The following RAB21 variants were observed in gnomAD, a reference collection of about 807,000 sequenced individuals.
The protein encoded by RAB21 is RAB21, member RAS oncogene family, also known as ras-related protein Rab-21.
In RAB21, 13 loss-of-function variants were observed where a neutral mutation model predicts 33.1. The observed-to-expected ratio is 0.39, with a 90% CI of 0.26 to 0.62. The LOEUF is 0.62. RAB21 is among the 20% of genes least tolerant of loss of function. The pLI is 0.48. For missense variants in RAB21, 234 were observed against 279.1 expected, an observed-to-expected ratio of 0.84 and a Z score of 1.15; for synonymous variants, 91 against 103.7, an observed-to-expected ratio of 0.88 and a Z score of 0.74.
At chr12:71,769,566 T>G (rs905061983) in intron 1 of RAB21, among the ~76,000 whole-genome samples, 4 of 152,160 alleles carry the variant, frequency 2.6e-5, no homozygotes, top group Non-Finnish European at 5.9e-5. Flanking sequence ...AAAAAATACT[T>G]ATTTTCTGTG....
chr12:71,759,861 C>T (rs1223169700), intron 1 of RAB21, among the ~76,000 whole-genome samples: 1 of 152,178 alleles, frequency 6.6e-6, no homozygotes, highest in Non-Finnish European at 1.5e-5. Flanking sequence ...TCATAGCCAT[C>T]GTGATCCTGA....
intron 4 of RAB21, among the ~76,000 whole-genome samples, chr12:71,774,841 A>G (rs191395422): frequency 6.6e-6 from 1 of 151,704 alleles, no homozygotes; most frequent in East Asian, 1.9e-4. Flanking sequence ...TGGGGAGCAA[A>G]TTGGAAACTA....
At chr12:71,785,255 A>G (rs1175530111) in intron 6 of RAB21, among the ~76,000 whole-genome samples, 4 of 152,328 alleles carry the variant, frequency 2.6e-5, no homozygotes, top group Admixed American at 6.5e-5. Context: ...GTACGCAGGC[A>G]ATTGTTCAGA....
At chr12:71,783,084 G>T (rs192273208) in intron 6 of RAB21, among the ~76,000 whole-genome samples, 1 of 151,982 alleles carries the variant, frequency 6.6e-6, no homozygotes, top group Admixed American at 6.6e-5. Context: ...AATTTTTTAG[G>T]TGTGATTATG....
intron 1 of RAB21, among the ~76,000 whole-genome samples, chr12:71,762,648 T>C (rs1882892926): frequency 6.6e-6 from 1 of 151,710 alleles, no homozygotes; most frequent in Non-Finnish European, 1.5e-5. Flanking sequence ...AATGGCACGA[T>C]CTCAGTTCAC....
At chr12:71,770,733 C>A in intron 3 of RAB21, 34 bp downstream of exon 3, 1 of 1,377,204 alleles carries the variant, frequency 7.3e-7, no homozygotes, top group Non-Finnish European at 1.0e-6. Flanking sequence ...CTTAGAAGAA[C>A]AATAGTAATT....
In RAB21 at chr12:71,790,725, G is replaced by C. The variant is rs1883368788; in HGVS notation, c.*5052G>C. 1 of 151,850 alleles carries C rather than the reference G, an allele frequency of 6.6e-6. No homozygotes were observed. The highest frequency in any genetic ancestry group is 2.1e-4 in the South Asian group (1 of 4,820). 9.4% of individuals were successfully genotyped at this position (151,850 alleles called of 1,614,324 possible). A position where few individuals can be genotyped will look rare whatever the true frequency, so the allele number is the denominator to read the frequency against. On this transcript the variant is annotated 3_prime_UTR_variant, in exon 7 of 7. Coordinates refer to ENST00000261263, the MANE Select transcript of RAB21 (RefSeq NM_014999.4). Reference sequence around the variant, plus strand: ...TACATATAGAAATACATAGTGTTGTGGGTTTTAAATTTTCACATAAATTGT... The same window carrying C: ...TACATATAGAAATACATAGTGTTGTCGGTTTTAAATTTTCACATAAATTGT...
At chr12:71,766,824 G>A (rs1882968339) in intron 1 of RAB21, among the ~76,000 whole-genome samples, 1 of 152,038 alleles carries the variant, frequency 6.6e-6, no homozygotes, top group African/African-American at 2.4e-5. Context: ...AATTGAAGAG[G>A]ATGCAAAAAA....
At chr12:71,778,126 A>G (rs1354170091) in intron 4 of RAB21, among the ~76,000 whole-genome samples, 1 of 152,140 alleles carries the variant, frequency 6.6e-6, no homozygotes, top group African/African-American at 2.4e-5. Flanking sequence ...TTCATGTGTA[A>G]ATTGAATACT....
At chr12:71,756,283 A>G (rs186682066) in intron 1 of RAB21, among the ~76,000 whole-genome samples, 2 of 152,204 alleles carry the variant, frequency 1.3e-5, no homozygotes, top group Admixed American at 6.5e-5. Flanking sequence ...TAAAATGGCC[A>G]TAATAGTAGT....
intron 2 of RAB21, 29 bp from the exon 3 acceptor site, chr12:71,770,563 A>G (rs779423965): frequency 2.8e-6 from 4 of 1,421,834 alleles, no homozygotes; most frequent in Middle Eastern, 1.8e-4. Flanking sequence ...TTTTCTTCTG[A>G]TCTAATAAGC....
chr12:71,757,049 C>T (rs957627042), intron 1 of RAB21, among the ~76,000 whole-genome samples: 1 of 152,028 alleles, frequency 6.6e-6, no homozygotes, highest in Non-Finnish European at 1.5e-5. Context: ...GATAAATAAC[C>T]CATCTAGTGT....
chr12:71,763,312 G>A (rs1286447515), intron 1 of RAB21, among the ~76,000 whole-genome samples: 6 of 151,868 alleles, frequency 4.0e-5, no homozygotes, highest in Admixed American at 3.9e-4. Context: ...TGACAGAACG[G>A]TAGTTAGCAA....
intron 6 of RAB21, 115 bp downstream of exon 6, chr12:71,782,773 A>T: frequency 1.5e-6 from 1 of 672,266 alleles, no homozygotes; most frequent in Non-Finnish European, 2.4e-6. Flanking sequence ...TTTTTAAACT[A>T]TTGACTATTG....
chr12:71,774,016 A>G lies in RAB21; in HGVS notation c.385A>G (p.Ile129Val), dbSNP rs528186656. Reference sequence around the variant, plus strand: ...GTTGGGAAATGAAATCTGTTTATGTATAGTTGGTAAGCATCATTACTTTTT... The same window carrying G: ...GTTGGGAAATGAAATCTGTTTATGTGTAGTTGGTAAGCATCATTACTTTTT... ...KMLGNEICLC[I>V]VGNKIDLEKE... Residue 129 changes from isoleucine (I) to valine (V), a missense_variant, in exon 4 of 7, where the codon ATA becomes GTA. Transcript: ENST00000261263. The G allele has an allele frequency of 2.3e-4, 358 of 1,579,152 alleles. 2 individuals carry two copies. The South Asian group carries it at 3.5e-3, about 16-fold the overall frequency.
At position 71,792,765 on chromosome 12, in the gene RAB21, T is replaced by G. The variant is rs528937386; in HGVS notation, c.*7092T>G. ...GGAGAACCAGATAGCCAAAGTGCCT[T>G]CCTTTATCGTTGGAACCTAGAGATG... On this transcript the variant is annotated 3_prime_UTR_variant, in exon 7 of 7. Transcript: ENST00000261263. The G allele has an allele frequency of 3.3e-5, 5 of 152,360 alleles. No individual in the cohort carries two copies. The highest frequency in any genetic ancestry group is 2.1e-4 in the South Asian group (1 of 4,830). The allele number at this position is 152,360 out of a possible 1,614,324, so 9.4% of individuals were successfully genotyped here.
chr12:71,781,757 A>G (rs1883204615), intron 4 of RAB21, among the ~76,000 whole-genome samples: 1 of 152,184 alleles, frequency 6.6e-6, no homozygotes. Context: ...CCCAAAATCA[A>G]AAAAGAGTGC....
chr12:71,766,330 T>C (rs1274802236), intron 1 of RAB21, among the ~76,000 whole-genome samples: 1 of 152,140 alleles, frequency 6.6e-6, no homozygotes, highest in East Asian at 1.9e-4. Context: ...TTATAATTAA[T>C]ATCTGGAGCC....
At chr12:71,782,712 T>A (rs1050788048) in intron 6 of RAB21, 54 bp downstream of exon 6, 8 of 1,229,146 alleles carry the variant, frequency 6.5e-6, no homozygotes, top group Non-Finnish European at 9.1e-6. Flanking sequence ...TTTTATTTTT[T>A]AAAAAATAGT....
Sources: allele counts gnomAD v4.1 joint callset (sites outside exome capture counted in the v4.1 genomes callset), GRCh38; gene constraint gnomAD v4.1.1; transcripts MANE v1.5; gene names NCBI Gene and HGNC (gene_info 2026-07-23, HGNC 2026-07-21).